The following WDR25 variants were observed in gnomAD, a reference collection of about 807,000 sequenced individuals.
The protein encoded by WDR25 is WD repeat domain 25.
WDR25 carries 35 observed loss-of-function variants against 47.7 expected under a neutral mutation model. The ratio of observed to expected loss-of-function variants is 0.73; its 90% CI spans 0.56 to 0.97. The LOEUF (loss-of-function observed/expected upper bound fraction) is 0.97, where lower values mean the gene tolerates loss of function less well. Ranked by LOEUF, WDR25 falls within the 50% of genes least tolerant of loss-of-function variation. The probability of loss-of-function intolerance (pLI) is 0.00; values close to 1 mark genes in which losing one functional copy is unlikely to be tolerated. For missense variants in WDR25, 634 were observed against 704.7 expected (o/e 0.90, Z 1.14); for synonymous variants, 248 against 278.9 (o/e 0.89, Z 1.10).
chr14:100,446,663 GTGT>G (rs996112656), intron 2 of WDR25, among the ~76,000 whole-genome samples: 1 of 151,918 alleles, frequency 6.6e-6, no homozygotes, highest in Admixed American at 6.6e-5. Flanking sequence ...ATCAGCAGTT[GTGT>G]TGTTTCTTAG....
intron 2 of WDR25, among the ~76,000 whole-genome samples, chr14:100,447,296 G>A (rs953454218): frequency 6.6e-6 from 1 of 152,178 alleles, no homozygotes; most frequent in African/African-American, 2.4e-5. Context: ...TCTCAGAAAT[G>A]GACTGGAGAC....
intron 3 of WDR25, among the ~76,000 whole-genome samples, chr14:100,481,607 G>T (rs1900207332): frequency 6.6e-6 from 1 of 152,034 alleles, no homozygotes; most frequent in Admixed American, 6.6e-5. Context: ...TACAAAGCAT[G>T]TTAAATGGCC....
At chr14:100,481,706 A>G (rs1443392830) in intron 3 of WDR25, among the ~76,000 whole-genome samples, 3 of 152,084 alleles carry the variant, frequency 2.0e-5, no homozygotes, top group Non-Finnish European at 4.4e-5. Flanking sequence ...CCTAAAGAAA[A>G]CCACTCCTTG....
intron 3 of WDR25, among the ~76,000 whole-genome samples, chr14:100,483,502 C>T (rs1164432187): frequency 6.6e-6 from 1 of 152,174 alleles, no homozygotes; most frequent in Non-Finnish European, 1.5e-5. Context: ...CCATAGCAAA[C>T]CATTCATCCA....
At chr14:100,526,887 C>CCCA (rs375656599) in intron 5 of WDR25, among the ~76,000 whole-genome samples, 11 of 14,626 alleles carry the variant, frequency 7.5e-4, no homozygotes, top group Non-Finnish European at 8.3e-4. Context: ...TATCTTTATA[C>CCCA]CCACCACCTC....
At chr14:100,437,235 T>C (rs1898528389) in intron 2 of WDR25, among the ~76,000 whole-genome samples, 1 of 152,174 alleles carries the variant, frequency 6.6e-6, no homozygotes, top group East Asian at 1.9e-4. Flanking sequence ...GAAGAGCACC[T>C]GCCTGTAGAA....
intron 5 of WDR25, among the ~76,000 whole-genome samples, chr14:100,527,407 A>G (rs2030239373): frequency 6.6e-6 from 1 of 152,220 alleles, no homozygotes; most frequent in African/African-American, 2.4e-5. Context: ...ACCCAAGACT[A>G]ATCTCTGAAT....
Position 100,492,396 on chromosome 14 carries a change from A to G in WDR25, c.1101+8272A>G, listed in dbSNP as rs190009682. On this transcript the variant is annotated intron_variant, in intron 4 of 6. Coordinates refer to ENST00000402312, the MANE Select transcript of WDR25 (RefSeq NM_001161476.3). ...GTAAGAAGACCCCTGTTTAAAACCC[A>G]TGAGCTGCCAACAAGCTCAGTGGAT... is the stretch of plus-strand genomic sequence containing the variant. 4.7e-3 allele frequency among the ~76,000 whole-genome samples: 712 copies of G among 152,330 alleles called. 2 individuals are homozygous for G. The highest frequency in any genetic ancestry group is 6.8e-3 in the Middle Eastern group (2 of 294).
chr14:100,515,789 C>CTT (rs11301950), intron 4 of WDR25, among the ~76,000 whole-genome samples: 24 of 110,288 alleles, frequency 2.2e-4, no homozygotes, highest in East Asian at 5.6e-4. Context: ...CCACACCTTG[C>CTT]TTTTTTTTTT....
intron 2 of WDR25, among the ~76,000 whole-genome samples, chr14:100,456,197 A>G (rs1473267816): frequency 6.6e-6 from 1 of 152,146 alleles, no homozygotes; most frequent in Non-Finnish European, 1.5e-5. Flanking sequence ...GTCTCAAAAA[A>G]TTAGGTAGGC....
At chr14:100,481,546 G>A (rs1405132891) in intron 3 of WDR25, among the ~76,000 whole-genome samples, 2 of 151,268 alleles carry the variant, frequency 1.3e-5, no homozygotes, top group Admixed American at 1.3e-4. Flanking sequence ...GACTGTCTCG[G>A]GTGTCAGCTT....
intron 2 of WDR25, among the ~76,000 whole-genome samples, chr14:100,414,582 G>T (rs1897815286): frequency 6.6e-6 from 1 of 152,010 alleles, no homozygotes; most frequent in Admixed American, 6.6e-5. Context: ...CAAAGTGCTG[G>T]AATTACAGGC....
At chr14:100,401,646 T>A (rs915755742) in intron 2 of WDR25, among the ~76,000 whole-genome samples, 1 of 152,236 alleles carries the variant, frequency 6.6e-6, no homozygotes, top group African/African-American at 2.4e-5. Context: ...GTTGACATTT[T>A]TCTTTTTTGG....
chr14:100,527,273 G>A (rs980714066), intron 5 of WDR25, among the ~76,000 whole-genome samples: 25 of 150,004 alleles, frequency 1.7e-4, no homozygotes, highest in East Asian at 9.9e-4. Flanking sequence ...CATCACCACC[G>A]TGATTGTCAC....
chr14:100,454,505 CTA>C (rs1434520224), intron 2 of WDR25: 1 of 1,200,976 alleles, frequency 8.3e-7, no homozygotes, highest in Non-Finnish European at 1.1e-6. Context: ...CAGCTAACAA[CTA>C]TAAACTGTAC....
intron 4 of WDR25, among the ~76,000 whole-genome samples, chr14:100,489,066 G>C (rs960118277): frequency 6.6e-6 from 1 of 152,238 alleles, no homozygotes; most frequent in Non-Finnish European, 1.5e-5. Flanking sequence ...GACATAGAGG[G>C]CATGGCCCCT....
At chr14:100,432,887 A>T (rs1264924046) in intron 2 of WDR25, among the ~76,000 whole-genome samples, 1 of 152,264 alleles carries the variant, frequency 6.6e-6, no homozygotes, top group African/African-American at 2.4e-5. Context: ...CACCCAGGCT[A>T]TATGGTATAA....
intron 2 of WDR25, among the ~76,000 whole-genome samples, chr14:100,418,288 A>G (rs1182990825): frequency 1.3e-5 from 2 of 151,354 alleles, no homozygotes; most frequent in Non-Finnish European, 2.9e-5. Context: ...TGTACATGAT[A>G]CACACAATGT....
intron 2 of WDR25, among the ~76,000 whole-genome samples, chr14:100,465,379 T>G (rs1899595279): frequency 6.6e-6 from 1 of 152,158 alleles, no homozygotes; most frequent in Non-Finnish European, 1.5e-5. Context: ...CCCCCAGCCC[T>G]GGCCACCACC....
Sources: allele counts gnomAD v4.1 joint callset (sites outside exome capture counted in the v4.1 genomes callset), GRCh38; gene constraint gnomAD v4.1.1; transcripts MANE v1.5; gene names NCBI Gene and HGNC (gene_info 2026-07-23, HGNC 2026-07-21).